The following LRMDA variants were observed in gnomAD, a reference collection of about 807,000 sequenced individuals.
The protein encoded by LRMDA is leucine rich melanocyte differentiation associated, also known as leucine-rich melanocyte differentiation-associated protein.
LRMDA carries 18 observed loss-of-function variants against 29.8 expected under a neutral mutation model. That is an observed-to-expected ratio of 0.60 (90% CI 0.42 to 0.90). The LOEUF (loss-of-function observed/expected upper bound fraction) is 0.90, where lower values mean the gene tolerates loss of function less well. LRMDA is among the 40% of genes least tolerant of loss of function. The probability of loss-of-function intolerance (pLI) is 0.00; values close to 1 mark genes in which losing one functional copy is unlikely to be tolerated. For missense variants in LRMDA, 273 were observed against 273.9 expected, an observed-to-expected ratio of 1.00 and a Z score of 0.02; for synonymous variants, 125 against 109.4, an observed-to-expected ratio of 1.14 and a Z score of -0.89.
chr10:76,117,089 C>A (rs1448517923), intron 5 of LRMDA, among the ~76,000 whole-genome samples: 1 of 152,150 alleles, frequency 6.6e-6, no homozygotes, highest in African/African-American at 2.4e-5. Context: ...AATTGGAAAT[C>A]TTTGCTAGCT....
rs890621452 is a variant in LRMDA, at chr10:76,430,656, G to A, written c.601+106171G>A. ...GAGTGTTTTTAGGGATAGGAATATTGTTTTCCTTCCATTTTCTCTGCTCTG... is the reference window on the plus strand; with the variant it reads ...GAGTGTTTTTAGGGATAGGAATATTATTTTCCTTCCATTTTCTCTGCTCTG... On this transcript the variant is annotated intron_variant, in intron 6 of 6. Transcript: ENST00000611255. Among the ~76,000 whole-genome samples, 5 of 152,218 alleles carry A rather than the reference G, an allele frequency of 3.3e-5. 1 individual carries two copies. The Middle Eastern group carries it at 0.01, about 311-fold the overall frequency.
chr10:75,507,238 T>C (rs1845179814), intron 2 of LRMDA, among the ~76,000 whole-genome samples: 1 of 151,996 alleles, frequency 6.6e-6, no homozygotes. Flanking sequence ...TGGAGAAAGA[T>C]GGCTGGCTGG....
intron 6 of LRMDA, among the ~76,000 whole-genome samples, chr10:76,507,276 C>T (rs991326513): frequency 7.3e-5 from 11 of 149,902 alleles, no homozygotes; most frequent in African/African-American, 2.7e-4. Flanking sequence ...GATCTTTTGC[C>T]CATTAAAAAA....
intron 6 of LRMDA, among the ~76,000 whole-genome samples, chr10:76,537,010 A>G (rs1357730524): frequency 6.6e-6 from 1 of 152,136 alleles, no homozygotes; most frequent in Non-Finnish European, 1.5e-5. Context: ...ATCTATTTGT[A>G]TTTATATTTG....
At chr10:76,220,297 A>C (rs1019418629) in intron 5 of LRMDA, among the ~76,000 whole-genome samples, 1 of 152,220 alleles carries the variant, frequency 6.6e-6, no homozygotes, top group African/African-American at 2.4e-5. Context: ...TAGAGACACA[A>C]AAATACCTTC....
intron 6 of LRMDA, among the ~76,000 whole-genome samples, chr10:76,542,639 A>G (rs1843370811): frequency 6.6e-6 from 1 of 152,202 alleles, no homozygotes; most frequent in Non-Finnish European, 1.5e-5. Flanking sequence ...TTTTTTGCAC[A>G]ACATTATTAC....
rs142221711 is a variant in LRMDA, at chr10:76,536,781, C to T, written c.602-20428C>T. Among the ~76,000 whole-genome samples, 356 of 152,198 alleles carry T rather than the reference C, an allele frequency of 2.3e-3. 3 individuals are homozygous for T. Among genetic ancestry groups the T allele is most frequent in the African/African-American group, 7.5e-3 (311 of 41,540 alleles). On this transcript the variant is annotated intron_variant, in intron 6 of 6. Transcript: ENST00000611255. The stretch of plus-strand genomic sequence containing the variant: ...CTAACGTGGTTACCGCCAGATGGAT[C>T]CCCTCTAAAGGCTATGTTCCCCTTT...
intron 6 of LRMDA, among the ~76,000 whole-genome samples, chr10:76,407,297 A>G (rs1841912661): frequency 6.6e-6 from 1 of 152,130 alleles, no homozygotes; most frequent in South Asian, 2.1e-4. Context: ...TCCTATTTCT[A>G]TTTGCTTTTA....
intron 2 of LRMDA, among the ~76,000 whole-genome samples, chr10:75,973,628 C>T (rs1243445237): frequency 6.6e-6 from 1 of 152,112 alleles, no homozygotes; most frequent in Non-Finnish European, 1.5e-5. Flanking sequence ...CCATGTTAGC[C>T]AGGCTGGTCT....
At chr10:76,034,724 G>A (rs867122969) in intron 2 of LRMDA, among the ~76,000 whole-genome samples, 1 of 152,294 alleles carries the variant, frequency 6.6e-6, no homozygotes, top group South Asian at 2.1e-4. Context: ...GCAAGCACAC[G>A]GGGCTGTAAT....
At chr10:75,885,378 G>A (rs1270655382) in intron 2 of LRMDA, among the ~76,000 whole-genome samples, 1 of 152,180 alleles carries the variant, frequency 6.6e-6, no homozygotes, top group Non-Finnish European at 1.5e-5. Flanking sequence ...CCTACTAGTT[G>A]TGTGACTTTG....
At chr10:75,970,264 C>G (rs72813514) in intron 2 of LRMDA, among the ~76,000 whole-genome samples, 1,781 of 152,326 alleles carry the variant, frequency 0.012, 22 homozygotes, top group South Asian at 0.019. Flanking sequence ...GGGCCCATCT[C>G]TTCTCCTGTG....
chr10:75,906,602 G>A (rs573357977), intron 2 of LRMDA, among the ~76,000 whole-genome samples: 1 of 152,310 alleles, frequency 6.6e-6, no homozygotes, highest in African/African-American at 2.4e-5. Context: ...TTGTTTCCCT[G>A]TGTGTTTATA....
At chr10:76,209,565 T>C (rs1476371576) in intron 5 of LRMDA, among the ~76,000 whole-genome samples, 1 of 152,224 alleles carries the variant, frequency 6.6e-6, no homozygotes, top group African/African-American at 2.4e-5. Context: ...CTCTTTTGTA[T>C]GTAGTGGTTG....
chr10:75,759,103 C>T (rs1843065768), intron 2 of LRMDA, among the ~76,000 whole-genome samples: 1 of 152,156 alleles, frequency 6.6e-6, no homozygotes, highest in African/African-American at 2.4e-5. Context: ...TGTGTACACA[C>T]ATCTATAAAA....
chr10:75,919,713 GT>G (rs541338955), intron 2 of LRMDA, among the ~76,000 whole-genome samples: 104 of 152,226 alleles, frequency 6.8e-4, no homozygotes, highest in African/African-American at 2.5e-3. Context: ...TGTATCTAAG[GT>G]TAAGAGAATT....
At chr10:76,478,418 G>A (rs1192289529) in intron 6 of LRMDA, among the ~76,000 whole-genome samples, 1 of 152,154 alleles carries the variant, frequency 6.6e-6, no homozygotes, top group African/African-American at 2.4e-5. Flanking sequence ...AGAGGATGTG[G>A]AGAAATAGGA....
At chr10:76,170,567 T>C (rs533317851) in intron 5 of LRMDA, among the ~76,000 whole-genome samples, 145 of 152,364 alleles carry the variant, frequency 9.5e-4, no homozygotes, top group Middle Eastern at 3.4e-3. Flanking sequence ...AAAGCAGAGA[T>C]AATACTGCTA....
At chr10:76,532,327 C>T (rs1014097226) in intron 6 of LRMDA, among the ~76,000 whole-genome samples, 12 of 152,192 alleles carry the variant, frequency 7.9e-5, no homozygotes, top group African/African-American at 1.2e-4. Context: ...TGTTAATTCA[C>T]GGCTTGACTA....
Sources: gnomAD v4.1 joint callset for allele counts (sites outside exome capture counted in the v4.1 genomes callset) on GRCh38, gnomAD v4.1.1 for gene constraint, MANE v1.5 for transcripts, NCBI Gene and HGNC (gene_info 2026-07-23, HGNC 2026-07-21) for gene names.